The following FNIP1 variants were observed in gnomAD, a reference collection of about 807,000 sequenced individuals.
FNIP1 encodes folliculin interacting protein 1.
FNIP1 carries 40 observed loss-of-function variants against 124.5 expected under a neutral mutation model. The ratio of observed to expected loss-of-function variants is 0.32; its 90% CI spans 0.25 to 0.42. The LOEUF (loss-of-function observed/expected upper bound fraction) is 0.42, where lower values mean the gene tolerates loss of function less well. Ranked by LOEUF, FNIP1 falls within the 10% of genes least tolerant of loss-of-function variation. FNIP1 has a pLI of 1.00. For synonymous variants in FNIP1, 472 were observed against 470.6 expected (o/e 1.00, Z -0.04); for missense variants, 1,176 against 1,403.7 (o/e 0.84, Z 2.59).
intron 1 of FNIP1, among the ~76,000 whole-genome samples, chr5:131,782,803 G>A (rs1391059521): frequency 6.6e-6 from 1 of 152,208 alleles, no homozygotes; most frequent in Non-Finnish European, 1.5e-5. Context: ...TAGATGTGGT[G>A]GAAATAGCAA....
rs1554093004 is a variant in FNIP1 at position 131,672,767 on chromosome 5, A to G, written c.1677T>C (p.Asp559=). 3 of 1,613,514 alleles carry G rather than the reference A, an allele frequency of 1.9e-6. No homozygotes were observed. The highest frequency in any genetic ancestry group is 2.5e-6 in the Non-Finnish European group (3 of 1,179,880). ...CTGTGCCTGGCATAACGATGGCTTC[A>G]TCTTCTCCATTTTCTAAAAGATGCG... ...QETHLLENGE[D]EAIVMPGTVI... The change falls in exon 14 of 18, where the codon GAT becomes GAC. Residue 559 remains aspartate, a synonymous_variant. Coordinates refer to ENST00000510461, the MANE Select transcript of FNIP1 (RefSeq NM_133372.3).
At chr5:131,706,964 G>A (rs1303126304) in intron 8 of FNIP1, among the ~76,000 whole-genome samples, 1 of 152,168 alleles carries the variant, frequency 6.6e-6, no homozygotes, top group Non-Finnish European at 1.5e-5. Flanking sequence ...TGTCTGAATG[G>A]CATTTAAAGA....
chr5:131,702,815 A>G (rs1768946526), intron 10 of FNIP1, among the ~76,000 whole-genome samples: 1 of 152,226 alleles, frequency 6.6e-6, no homozygotes, highest in Non-Finnish European at 1.5e-5. Context: ...GGCTTTCCCC[A>G]AAAGAATACA....
chr5:131,660,246 G>A (rs978876803), intron 15 of FNIP1, among the ~76,000 whole-genome samples: 1 of 152,150 alleles, frequency 6.6e-6, no homozygotes, highest in African/African-American at 2.4e-5. Flanking sequence ...AAACTCAACT[G>A]CTTTTGTAAA....
intron 13 of FNIP1, among the ~76,000 whole-genome samples, chr5:131,676,478 C>G (rs2149516961): frequency 6.6e-6 from 1 of 152,098 alleles, no homozygotes; most frequent in Middle Eastern, 3.4e-3. Flanking sequence ...ATGTGTTGGG[C>G]CAGGTGTGGT....
Position 131,755,325 on chromosome 5 carries a change from A to T in FNIP1, c.93-10635T>A, listed in dbSNP as rs1248378361. On this transcript the variant is annotated intron_variant, in intron 1 of 17. Transcript: ENST00000510461. ...AATTCTGGCTGCTTGGGAGGCTGGGACAGGAGAACCACTTGAACCTGGGAG... is the reference window on the plus strand; with the variant it reads ...AATTCTGGCTGCTTGGGAGGCTGGGTCAGGAGAACCACTTGAACCTGGGAG... Among the ~76,000 whole-genome samples, 4 of 151,842 alleles carry T rather than the reference A, an allele frequency of 2.6e-5. No individual in the cohort carries two copies. In the East Asian group the frequency reaches 7.8e-4, roughly 30 times the overall value.
chr5:131,719,158 G>T, intron 4 of FNIP1, 98 bp from the exon 5 acceptor site: 1 of 1,232,420 alleles, frequency 8.1e-7, no homozygotes, highest in Non-Finnish European at 1.2e-6. Flanking sequence ...AGGTTTCACA[G>T]CATAGCTGCA....
chr5:131,788,394 T>TGCA (rs539280233), intron 1 of FNIP1, among the ~76,000 whole-genome samples: 182 of 152,234 alleles, frequency 1.2e-3, no homozygotes, highest in African/African-American at 4.1e-3. Flanking sequence ...CAAGGCCAGG[T>TGCA]GCAGTAGCTC....
intron 1 of FNIP1, among the ~76,000 whole-genome samples, chr5:131,752,344 T>C (rs1355900628): frequency 1.3e-5 from 2 of 152,042 alleles, no homozygotes; most frequent in Non-Finnish European, 2.9e-5. Context: ...CGCCCAGCCA[T>C]GAATTTGTAT....
intron 11 of FNIP1, among the ~76,000 whole-genome samples, chr5:131,688,289 TAAA>T (rs565453128): frequency 8.4e-6 from 1 of 118,850 alleles, no homozygotes; most frequent in East Asian, 2.5e-4. Context: ...GAGTTTAAAA[TAAA>T]AAAAAAAAAA....
intron 2 of FNIP1, among the ~76,000 whole-genome samples, chr5:131,743,175 G>T (rs1478522958): frequency 6.6e-6 from 1 of 151,960 alleles, no homozygotes; most frequent in African/African-American, 2.4e-5. Flanking sequence ...TCTGAAGGAG[G>T]ATAAATTTTC....
intron 11 of FNIP1, among the ~76,000 whole-genome samples, chr5:131,693,334 A>G (rs1220938813): frequency 6.1e-5 from 1 of 16,402 alleles, no homozygotes; most frequent in Non-Finnish European, 1.2e-4. Context: ...ATATATATAC[A>G]TATATATATA....
chr5:131,671,463 T>C, intron 14 of FNIP1, 42 bp downstream of exon 14: 1 of 1,450,122 alleles, frequency 6.9e-7, no homozygotes, highest in Non-Finnish European at 9.4e-7. Context: ...GAATGGTACA[T>C]ATTTATATAG....
chr5:131,705,816 T>A (rs1221214186), intron 9 of FNIP1, among the ~76,000 whole-genome samples: 1 of 152,186 alleles, frequency 6.6e-6, no homozygotes, highest in Non-Finnish European at 1.5e-5. Flanking sequence ...GCGGCATTAT[T>A]CACAATAGTT....
intron 5 of FNIP1, 141 bp from the exon 6 acceptor site, chr5:131,716,797 T>A (rs1336516070): frequency 1.8e-6 from 1 of 551,758 alleles, no homozygotes; most frequent in Admixed American, 3.6e-5. Context: ...ATCATTTAAA[T>A]CAGAGGTTGG....
intron 1 of FNIP1, among the ~76,000 whole-genome samples, chr5:131,793,824 T>A (rs1772487888): frequency 6.6e-6 from 1 of 152,120 alleles, no homozygotes; most frequent in South Asian, 2.1e-4. Context: ...AAGCCTGATT[T>A]AACAATTTAG....
rs542334245 is a variant in FNIP1 at position 131,690,598 on chromosome 5, G to A, written c.1202+8319C>T. On this transcript the variant is annotated intron_variant, in intron 11 of 17. Coordinates refer to ENST00000510461, the MANE Select transcript of FNIP1 (RefSeq NM_133372.3). ...CCTCTTCACACTCCGCCATAATTAC[G>A]AGTTTCCTGAGGCCTCCACAGCCAT... Among the ~76,000 whole-genome samples the A allele has an allele frequency of 1.8e-3, 267 of 152,190 alleles. 1 individual carries two copies. The highest frequency in any genetic ancestry group is 6.1e-3 in the African/African-American group (254 of 41,504).
chr5:131,675,629 C>T (rs1189401301), intron 13 of FNIP1, among the ~76,000 whole-genome samples: 1 of 151,944 alleles, frequency 6.6e-6, no homozygotes, highest in Non-Finnish European at 1.5e-5. Context: ...CTGCATGATT[C>T]CATTCATATA....
chr5:131,677,777 A>G lies in FNIP1; in HGVS notation c.1445T>C (p.Leu482Ser). The G allele has an allele frequency of 6.2e-7, 1 of 1,614,112 alleles. No homozygotes were observed. The highest frequency in any genetic ancestry group is 8.5e-7 in the Non-Finnish European group (1 of 1,180,008). Residue 482 changes from leucine to serine, a missense_variant, in exon 13 of 18, where the codon TTA becomes TCA. Coordinates refer to ENST00000510461, the MANE Select transcript of FNIP1 (RefSeq NM_133372.3). ...CACACTCTGAGAGGAATGCTTTTCT[A>G]AAAATATTTTTATAGGTGGTTGTCC... ...PNGQPPIKIF[L>S]EKHSSQSVDM...
Sources: gnomAD v4.1 joint callset for allele counts (sites outside exome capture counted in the v4.1 genomes callset) on GRCh38, gnomAD v4.1.1 for gene constraint, MANE v1.5 for transcripts, NCBI Gene and HGNC (gene_info 2026-07-23, HGNC 2026-07-21) for gene names.